ZNF18: variants seen among roughly 807,000 people sequenced by gnomAD.
The protein encoded by ZNF18 is zinc finger protein 18, also known as heart development-specific gene 1 protein.
ZNF18 carries 42 observed loss-of-function variants against 58.1 expected under a neutral mutation model. That is an observed-to-expected ratio of 0.72 (90% CI 0.56 to 0.93). ZNF18 has a LOEUF of 0.93. Ranked by LOEUF, ZNF18 falls within the 40% of genes least tolerant of loss-of-function variation. The probability of loss-of-function intolerance (pLI) is 0.00; values close to 1 mark genes in which losing one functional copy is unlikely to be tolerated. For missense variants in ZNF18, 540 were observed against 644.2 expected, an observed-to-expected ratio of 0.84 and a Z score of 1.75; for synonymous variants, 231 against 239.8, an observed-to-expected ratio of 0.96 and a Z score of 0.34.
chr17:11,997,784 C>A (rs561758593), upstream of ZNF18, among the ~76,000 whole-genome samples: 8 of 152,348 alleles, frequency 5.3e-5, no homozygotes, highest in South Asian at 6.2e-4. Flanking sequence ...AAGATCATTT[C>A]TTTGTCTCTC....
At chr17:12,001,363 C>G (rs566478992), upstream of ZNF18, among the ~76,000 whole-genome samples, 188 of 152,272 alleles carry the variant, frequency 1.2e-3, no homozygotes, top group South Asian at 7.5e-3. Context: ...GGCGCGGTGG[C>G]TTACACCTGT....
At chr17:11,998,479 A>G (rs930889651), upstream of ZNF18, 1 of 151,508 alleles carries the variant, frequency 6.6e-6, no homozygotes, top group Non-Finnish European at 1.5e-5. Flanking sequence ...TTATCATAAC[A>G]TGTCCTGTAC....
chr17:11,979,221 A>G (rs899559404), intron 6 of ZNF18, among the ~76,000 whole-genome samples: 2 of 152,078 alleles, frequency 1.3e-5, no homozygotes, highest in African/African-American at 2.4e-5. Flanking sequence ...ATGAGCATAC[A>G]TTTCCTTTCA....
intron 5 of ZNF18, 93 bp from the exon 6 acceptor site, chr17:11,983,500 G>A: frequency 1.1e-6 from 1 of 933,496 alleles, no homozygotes; most frequent in Non-Finnish European, 1.7e-6. Flanking sequence ...ACGCATGAGG[G>A]AAAATATGAA....
At chr17:12,013,543 T>C in the ZNF18 span, among the ~76,000 whole-genome samples, 1 of 152,216 alleles carries the variant, frequency 6.6e-6, no homozygotes, top group Admixed American at 6.5e-5. Context: ...AATTTCTACC[T>C]TTATTTGAGA....
chr17:11,978,844 T>TTTTC lies in ZNF18; in HGVS notation c.863-101_863-100insGAAA. 6.2e-6 allele frequency: 4 copies of TTTTC among 646,662 alleles called. No homozygotes were observed. In the South Asian group the frequency reaches 1.3e-4, roughly 22 times the overall value. The allele number at this position is 646,662 out of a possible 1,614,324, so 40.1% of individuals were successfully genotyped here. ...TCATCATAAAACATTCATTTTCTTTTTTTTTTTTTTTTTTTTTTTTTTAGG... is the reference window on the plus strand; with the variant it reads ...TCATCATAAAACATTCATTTTCTTTTTTTCTTTTTTTTTTTTTTTTTTTTTTAGG... On this transcript the variant is annotated intron_variant, in intron 6 of 6. Transcript: ENST00000580306.
the ZNF18 span, chr17:12,020,915 G>C: frequency 8.2e-7 from 1 of 1,217,468 alleles, no homozygotes; most frequent in African/African-American, 1.6e-5. Flanking sequence ...AGCGGCGGCG[G>C]CGGCTCCGGG....
chr17:11,999,268 T>C (rs1002573953), upstream of ZNF18, among the ~76,000 whole-genome samples: 4 of 152,126 alleles, frequency 2.6e-5, no homozygotes, highest in African/African-American at 4.8e-5. Context: ...GAAGGTAAAA[T>C]TTTTCCCAAG....
chr17:12,020,634 C>G, the ZNF18 span, among the ~76,000 whole-genome samples: 1 of 152,192 alleles, frequency 6.6e-6, no homozygotes, highest in Non-Finnish European at 1.5e-5. Flanking sequence ...ACTTTAGGCC[C>G]CGCGGGCCCG....
the ZNF18 span, chr17:12,010,856 C>G: frequency 4.1e-6 from 2 of 484,938 alleles, no homozygotes; most frequent in Non-Finnish European, 7.5e-6. Flanking sequence ...ACCCCAGGTA[C>G]TTTTCTCTTT....
At chr17:12,010,056 G>A in the ZNF18 span, among the ~76,000 whole-genome samples, 7 of 152,210 alleles carry the variant, frequency 4.6e-5, no homozygotes, top group East Asian at 1.4e-3. Context: ...AAGCTTTATT[G>A]TGGTGCCTGT....
the ZNF18 span, among the ~76,000 whole-genome samples, chr17:12,012,247 T>G: frequency 1.3e-5 from 2 of 152,210 alleles, no homozygotes; most frequent in Admixed American, 1.3e-4. Context: ...CATGGTGTTC[T>G]TCATCTGGCT....
At chr17:12,020,437 G>C in the ZNF18 span, among the ~76,000 whole-genome samples, 1 of 152,144 alleles carries the variant, frequency 6.6e-6, no homozygotes, top group Non-Finnish European at 1.5e-5. Flanking sequence ...CTCCCTTCTG[G>C]AAGTGATGTG....
At chr17:11,993,330 G>C (rs1456409329) in intron 1 of ZNF18, among the ~76,000 whole-genome samples, 1 of 152,158 alleles carries the variant, frequency 6.6e-6, no homozygotes, top group South Asian at 2.1e-4. Flanking sequence ...ATGCCTACAT[G>C]CTTCTGTAAT....
rs367643118 is a variant in ZNF18 at position 11,991,007 on chromosome 17, C to A, written c.544G>T (p.Val182Leu). The change falls in exon 3 of 7, where the codon GTG (valine) becomes TTG (leucine). Residue 182 changes from valine to leucine, a missense_variant. Val to Leu is a conservative substitution (Grantham distance 32). Coordinates refer to ENST00000580306, the MANE Select transcript of ZNF18 (RefSeq NM_001303281.2). Reference sequence around the variant, plus strand: ...GCTTCTGTGTCAGATTCCTCTTTCACGATGTGGCTCAGAAGCTCCCCAGGC... The same window carrying A: ...GCTTCTGTGTCAGATTCCTCTTTCAAGATGTGGCTCAGAAGCTCCCCAGGC... ...SGPGELLSHI[V>L]KEESDTEAEL... is the part of the protein sequence containing the mutation. 4.3e-6 allele frequency: 7 copies of A among 1,614,002 alleles called. No individual in the cohort carries two copies. The highest frequency in any genetic ancestry group is 1.3e-5 in the African/African-American group (1 of 74,918).
In ZNF18 at chr17:11,983,369, T is replaced by C. The variant is rs376315353; in HGVS notation, c.790A>G (p.Ile264Val). 2.0e-5 allele frequency: 33 copies of C among 1,614,026 alleles called. No individual in the cohort carries two copies. Among genetic ancestry groups the C allele is most frequent in the East Asian group, 4.5e-5 (2 of 44,864 alleles). The change falls in exon 6 of 7, where the codon ATA (isoleucine) becomes GTA (valine). Residue 264 changes from isoleucine (I) to valine (V), a missense_variant. Physicochemically the swap from Ile to Val is conservative, Grantham distance 29. Transcript: ENST00000580306. ...SHPKSDLTNS[I>V]EFGEELAGIY... ...CCTGCCAGCTCTTCCCCAAATTCTATTGAATTAGTCAGGTCAGATTTGGGA... is the reference window on the plus strand; with the variant it reads ...CCTGCCAGCTCTTCCCCAAATTCTACTGAATTAGTCAGGTCAGATTTGGGA...
chr17:11,978,849 T>C (rs973546605), intron 6 of ZNF18, 105 bp from the exon 7 acceptor site: 10 of 738,122 alleles, frequency 1.4e-5, no homozygotes, highest in African/African-American at 5.7e-5. Context: ...TCTTTTTTTT[T>C]TTTTTTTTTT....
At chr17:12,011,049 C>A in the ZNF18 span, 1 of 744,054 alleles carries the variant, frequency 1.3e-6, no homozygotes, top group Non-Finnish European at 2.4e-6. Context: ...TCCAGTTTAG[C>A]CATGGTGACA....
At chr17:12,004,902 A>G in the ZNF18 span, among the ~76,000 whole-genome samples, 351 of 151,148 alleles carry the variant, frequency 2.3e-3, 3 homozygotes, top group African/African-American at 7.2e-3. Flanking sequence ...AAAAAAAAAA[A>G]AAAAGAAAAG....
Sources: allele counts gnomAD v4.1 joint callset (sites outside exome capture counted in the v4.1 genomes callset), GRCh38; gene constraint gnomAD v4.1.1; transcripts MANE v1.5; gene names NCBI Gene and HGNC (gene_info 2026-07-23, HGNC 2026-07-21).